Variants in VAPB observed in about 807,000 individuals in gnomAD.
VAPB encodes vesicle-associated membrane protein-associated protein B/C.
Under a neutral mutation model 25.6 loss-of-function variants are expected in VAPB, and 7 were observed. That is an observed-to-expected ratio of 0.27 (90% CI 0.16 to 0.51). VAPB has a LOEUF of 0.51. VAPB is among the 20% of genes least tolerant of loss of function. The pLI is 0.97. For missense variants in VAPB, 266 were observed against 301.3 expected (o/e 0.88, Z 0.87); for synonymous variants, 112 against 109.2 (o/e 1.03, Z -0.16).
intron 1 of VAPB, among the ~76,000 whole-genome samples, chr20:58,395,406 C>G (rs541535092): frequency 4.2e-4 from 64 of 152,246 alleles, no homozygotes; most frequent in Admixed American, 1.9e-3. Flanking sequence ...ACCTCGGCCT[C>G]CCAAAGTGCT....
At chr20:58,413,207 G>T (rs1988424013) in intron 1 of VAPB, among the ~76,000 whole-genome samples, 1 of 144,698 alleles carries the variant, frequency 6.9e-6, no homozygotes, top group African/African-American at 2.6e-5. Flanking sequence ...GGGGGATTTG[G>T]CAGGGTCATA....
chr20:58,449,343 T>G lies in VAPB; in HGVS notation c.*5108T>G. ...TCATTACAGAGATATTTTGAAAAAT[T>G]TAAAAGACATGAACTCACATAAACA... On this transcript the variant is annotated 3_prime_UTR_variant, in exon 6 of 6. Transcript: ENST00000475243. 1.1e-5 allele frequency: 5 copies of G among 451,362 alleles called. No homozygotes were observed. Among genetic ancestry groups the G allele is most frequent in the South Asian group, 1.6e-5 (1 of 63,488 alleles). 28.0% of individuals were successfully genotyped at this position (451,362 alleles called of 1,614,324 possible). A position where few individuals can be genotyped will look rare whatever the true frequency, so the allele number is the denominator to read the frequency against.
intron 1 of VAPB, among the ~76,000 whole-genome samples, chr20:58,414,437 C>T (rs1465625644): frequency 1.4e-4 from 21 of 145,762 alleles, no homozygotes; most frequent in East Asian, 1.1e-3. Flanking sequence ...ACGGGGCAGC[C>T]GCCGGGCGGA....
At chr20:58,418,170 T>C (rs1600796196) in intron 1 of VAPB, 41 bp from the exon 2 acceptor site, 2 of 1,613,718 alleles carry the variant, frequency 1.2e-6, no homozygotes, top group Non-Finnish European at 1.7e-6. Context: ...TTCTAAACTT[T>C]CCTCATGAGA....
chr20:58,447,913 T>G lies in VAPB; in HGVS notation c.*3678T>G, dbSNP rs1989335134. On this transcript the variant is annotated 3_prime_UTR_variant, in exon 6 of 6. Coordinates refer to ENST00000475243, the MANE Select transcript of VAPB (RefSeq NM_004738.5). The stretch of plus-strand genomic sequence containing the variant: ...GCTTCCCAGTGTCACTTTGAACACC[T>G]GAATAACATTTAACTCCTGAGACCT... The G allele has an allele frequency of 2.2e-6, 1 of 453,678 alleles. No individual in the cohort carries two copies. Among genetic ancestry groups the G allele is most frequent in the South Asian group, 1.6e-5 (1 of 64,452 alleles). The allele number at this position is 453,678 out of a possible 1,614,324, so 28.1% of individuals were successfully genotyped here. A position where few individuals can be genotyped will look rare whatever the true frequency, so the allele number is the denominator to read the frequency against.
chr20:58,397,296 G>C (rs998931993), intron 1 of VAPB, among the ~76,000 whole-genome samples: 3 of 151,940 alleles, frequency 2.0e-5, no homozygotes, highest in Admixed American at 6.6e-5. Flanking sequence ...GAGGCAGGCA[G>C]ATCAACTGAG....
chr20:58,394,397 G>A (rs577716875), intron 1 of VAPB, among the ~76,000 whole-genome samples: 197 of 152,350 alleles, frequency 1.3e-3, no homozygotes, highest in South Asian at 2.7e-3. Context: ...GCCAAGTACA[G>A]CATTAATTCT....
intron 2 of VAPB, among the ~76,000 whole-genome samples, chr20:58,425,796 A>G (rs1988771285): frequency 6.6e-6 from 1 of 152,224 alleles, no homozygotes; most frequent in African/African-American, 2.4e-5. Flanking sequence ...GGTGGGGTCC[A>G]GCAGTCTGTG....
rs761609792 is a variant in VAPB, at chr20:58,446,432, G to A, written c.*2197G>A. 3 of 454,070 alleles carry A rather than the reference G, an allele frequency of 6.6e-6. No homozygotes were observed. Among genetic ancestry groups the A allele is most frequent in the Non-Finnish European group, 1.3e-5 (3 of 226,788 alleles). The allele number at this position is 454,070 out of a possible 1,614,324, so 28.1% of individuals were successfully genotyped here. ...TACAGTCCCATTACACTAGAGCAGG[G>A]CTCTATTTATTTTTAAAGGATATGG... On this transcript the variant is annotated 3_prime_UTR_variant, in exon 6 of 6. Transcript: ENST00000475243.
At chr20:58,443,308 C>A (rs1260019386) in intron 5 of VAPB, among the ~76,000 whole-genome samples, 2 of 150,892 alleles carry the variant, frequency 1.3e-5, no homozygotes, top group Non-Finnish European at 2.9e-5. Flanking sequence ...TTCCAAATAT[C>A]ATTTGATCCA....
chr20:58,441,138 C>T, intron 5 of VAPB, 55 bp downstream of exon 5: 1 of 1,586,014 alleles, frequency 6.3e-7, no homozygotes, highest in East Asian at 2.3e-5. Context: ...TCACTAGCTT[C>T]TTGGGTGGGG....
At position 58,447,082 on chromosome 20, in the gene VAPB, C is replaced by T. The variant is rs959994301; in HGVS notation, c.*2847C>T. Reference sequence around the variant, plus strand: ...GGGGAGCTGCTGCCAGGCTGCCCTCCAGTCTGCTCCTGTGGTTACTGGCTC... The same window carrying T: ...GGGGAGCTGCTGCCAGGCTGCCCTCTAGTCTGCTCCTGTGGTTACTGGCTC... On this transcript the variant is annotated 3_prime_UTR_variant, in exon 6 of 6. Coordinates refer to ENST00000475243, the MANE Select transcript of VAPB (RefSeq NM_004738.5). 1 of 454,094 alleles carries T rather than the reference C, an allele frequency of 2.2e-6. No homozygotes were observed. The highest frequency in any genetic ancestry group is 4.4e-6 in the Non-Finnish European group (1 of 226,776). The allele number at this position is 454,094 out of a possible 1,614,324, so 28.1% of individuals were successfully genotyped here.
chr20:58,411,412 G>A (rs778986175), intron 1 of VAPB, among the ~76,000 whole-genome samples: 3 of 152,178 alleles, frequency 2.0e-5, no homozygotes, highest in Non-Finnish European at 4.4e-5. Context: ...CTCCCCAGTA[G>A]CTGGGACTAC....
rs774039526 is a variant in VAPB, at chr20:58,449,443, AT to A, written c.*5217del. 6.7e-5 allele frequency: 30 copies of A among 449,284 alleles called. 1 individual carries two copies. The highest frequency in any genetic ancestry group is 2.1e-4 in the East Asian group (3 of 14,360). 27.8% of individuals were successfully genotyped at this position (449,284 alleles called of 1,614,324 possible). ...GTCTTCATGAATATAATTACTTGAG[AT>A]TTTTTTTTCTTAATGGAATTAGTTT... On this transcript the variant is annotated 3_prime_UTR_variant, in exon 6 of 6. Coordinates refer to ENST00000475243, the MANE Select transcript of VAPB (RefSeq NM_004738.5).
chr20:58,414,395 G>A (rs1988476664), intron 1 of VAPB, among the ~76,000 whole-genome samples: 1 of 151,164 alleles, frequency 6.6e-6, no homozygotes, highest in Admixed American at 6.6e-5. Flanking sequence ...AGACGGGGTG[G>A]CCGCCGGGCG....
chr20:58,438,213 C>T (rs894393820), intron 3 of VAPB, among the ~76,000 whole-genome samples: 8 of 152,064 alleles, frequency 5.3e-5, no homozygotes, highest in African/African-American at 1.2e-4. Context: ...TGAAACTAGT[C>T]CCAGATAGTA....
intron 2 of VAPB, among the ~76,000 whole-genome samples, chr20:58,428,996 C>G (rs1301466347): frequency 2.0e-5 from 3 of 152,176 alleles, no homozygotes; most frequent in Non-Finnish European, 4.4e-5. Context: ...AAAAACACCC[C>G]CATTTGCTGT....
chr20:58,443,381 A>G (rs1989201977), intron 5 of VAPB, among the ~76,000 whole-genome samples: 2 of 147,824 alleles, frequency 1.4e-5, no homozygotes, highest in South Asian at 4.3e-4. Flanking sequence ...GAAAGCTTCC[A>G]GATGTCCCAC....
intron 2 of VAPB, among the ~76,000 whole-genome samples, chr20:58,430,205 T>A (rs967596684): frequency 1.1e-4 from 17 of 152,024 alleles, no homozygotes; most frequent in Admixed American, 2.6e-4. Flanking sequence ...TTCAAAAAAA[T>A]TAGGAGACTG....
Sources: allele counts gnomAD v4.1 joint callset (sites outside exome capture counted in the v4.1 genomes callset), GRCh38; gene constraint gnomAD v4.1.1; transcripts MANE v1.5; gene names NCBI Gene and HGNC (gene_info 2026-07-23, HGNC 2026-07-21).